PARM1: variants seen among roughly 807,000 people sequenced by gnomAD.
PARM1 encodes the protein WSC4, cell wall integrity and stress response component 4 homolog.
Under a neutral mutation model 24.6 loss-of-function variants are expected in PARM1, and 14 were observed. That is an observed-to-expected ratio of 0.57 (90% CI 0.38 to 0.89). PARM1 has a LOEUF of 0.89. Among genes scored for constraint, PARM1 ranks in the 40% least tolerant of loss-of-function variants. PARM1 has a pLI of 0.00. For synonymous variants in PARM1, 179 were observed against 156.6 expected, an observed-to-expected ratio of 1.14 and a Z score of -1.07; for missense variants, 362 against 380.4, an observed-to-expected ratio of 0.95 and a Z score of 0.40.
intron 1 of PARM1, chr4:74,956,483 G>A (rs1721637172): frequency 6.6e-6 from 1 of 152,174 alleles, no homozygotes; most frequent in African/African-American, 2.4e-5. Flanking sequence ...TCCATAGCAA[G>A]CAAAGGACAA....
chr4:75,031,963 C>A (rs886502805), intron 2 of PARM1, among the ~76,000 whole-genome samples: 3 of 152,190 alleles, frequency 2.0e-5, no homozygotes, highest in African/African-American at 7.2e-5. Context: ...TAGAGGCCAA[C>A]AAGCCAAGAG....
At chr4:74,979,073 C>A (rs74449080) in intron 1 of PARM1, among the ~76,000 whole-genome samples, 1,822 of 151,430 alleles carry the variant, frequency 0.012, 34 homozygotes, top group African/African-American at 0.042. Flanking sequence ...AGCAAACAAC[C>A]CCAAAACTAA....
intron 1 of PARM1, among the ~76,000 whole-genome samples, chr4:74,941,473 C>T (rs112824751): frequency 1.3e-5 from 2 of 152,092 alleles, no homozygotes; most frequent in Non-Finnish European, 1.5e-5. Context: ...ATCAGGGGAG[C>T]AGGAGGAGGA....
chr4:75,006,155 T>A (rs1039764185), intron 1 of PARM1, among the ~76,000 whole-genome samples: 2 of 152,220 alleles, frequency 1.3e-5, no homozygotes, highest in Non-Finnish European at 2.9e-5. Flanking sequence ...AATTTTTTTT[T>A]ATTATACTTT....
At chr4:74,946,845 G>C (rs1323924190) in intron 1 of PARM1, among the ~76,000 whole-genome samples, 1 of 152,154 alleles carries the variant, frequency 6.6e-6, no homozygotes, top group African/African-American at 2.4e-5. Flanking sequence ...CTTCATTGGA[G>C]AATGCTAATA....
At chr4:75,014,760 T>C (rs1386265990) in intron 2 of PARM1, among the ~76,000 whole-genome samples, 1 of 151,946 alleles carries the variant, frequency 6.6e-6, no homozygotes, top group Admixed American at 6.6e-5. Flanking sequence ...AGGGAGGAAA[T>C]CTATTGACTC....
chr4:75,020,332 C>T lies in PARM1; in HGVS notation c.769+7182C>T, dbSNP rs566773826. ...GTCGTCTTACGGTGAGTGTCACCACCATCTTTTCAGTTCTCTCTCTCCCAC... is the reference window on the plus strand; with the variant it reads ...GTCGTCTTACGGTGAGTGTCACCACTATCTTTTCAGTTCTCTCTCTCCCAC... On this transcript the variant is annotated intron_variant, in intron 2 of 3. Coordinates refer to ENST00000307428, the MANE Select transcript of PARM1 (RefSeq NM_015393.4). 2.6e-4 allele frequency among the ~76,000 whole-genome samples: 39 copies of T among 152,226 alleles called. 1 individual carries two copies. In the East Asian group the frequency reaches 7.3e-3, roughly 29 times the overall value.
At chr4:74,961,074 C>A (rs1721764301) in intron 1 of PARM1, among the ~76,000 whole-genome samples, 1 of 149,754 alleles carries the variant, frequency 6.7e-6, no homozygotes. Context: ...AATGTATGAA[C>A]AAAACAGAAA....
Position 75,012,629 on chromosome 4 carries a change from T to TA in PARM1, c.249dup (p.Glu84ArgfsTer48). The TA allele has an allele frequency of 1.2e-6, 2 of 1,613,912 alleles. No homozygotes were observed. The highest frequency in any genetic ancestry group is 1.7e-6 in the Non-Finnish European group (2 of 1,179,860). The stretch of plus-strand genomic sequence containing the variant: ...TCTCTGCTTCCTAAGAACATTTCCA[T>TA]AGAGTCCAGAGAAGAGGAGATCACC... On this transcript the variant is annotated frameshift_variant, in exon 2 of 4. Coordinates refer to ENST00000307428, the MANE Select transcript of PARM1 (RefSeq NM_015393.4). LOFTEE classifies it high-confidence loss of function.
intron 1 of PARM1, among the ~76,000 whole-genome samples, chr4:74,953,874 A>C (rs992137711): frequency 6.6e-6 from 1 of 152,110 alleles, no homozygotes; most frequent in Non-Finnish European, 1.5e-5. Context: ...CAGGAAGAGA[A>C]AGGGAAGTGG....
intron 1 of PARM1, among the ~76,000 whole-genome samples, chr4:74,949,511 A>G (rs1721483966): frequency 6.6e-6 from 1 of 152,096 alleles, no homozygotes; most frequent in African/African-American, 2.4e-5. Context: ...ATGGGGTTTC[A>G]CCATGTTAGC....
intron 2 of PARM1, among the ~76,000 whole-genome samples, chr4:75,030,376 A>G (rs147847140): frequency 6.6e-6 from 1 of 152,326 alleles, no homozygotes; most frequent in African/African-American, 2.4e-5. Context: ...AAATAAGATG[A>G]TAGCTGTACA....
chr4:74,951,356 C>T (rs1288130967), intron 1 of PARM1, among the ~76,000 whole-genome samples: 1 of 152,192 alleles, frequency 6.6e-6, no homozygotes, highest in East Asian at 1.9e-4. Flanking sequence ...TAGCCTCCTG[C>T]ACTTTTTTTA....
chr4:74,939,898 C>G (rs1721269794), intron 1 of PARM1, among the ~76,000 whole-genome samples: 1 of 152,084 alleles, frequency 6.6e-6, no homozygotes. Context: ...TGGAATACAC[C>G]TTTGATGATA....
At chr4:74,934,996 CTTTTTT>C (rs11392364) in intron 1 of PARM1, among the ~76,000 whole-genome samples, 115 of 116,550 alleles carry the variant, frequency 9.9e-4, no homozygotes, top group African/African-American at 2.7e-3. Flanking sequence ...GCTCTTTTTT[CTTTTTT>C]TTTTTTTTCT....
Position 75,025,920 on chromosome 4 carries a change from A to C in PARM1, c.770-7963A>C, listed in dbSNP as rs545220155. On this transcript the variant is annotated intron_variant, in intron 2 of 3. Transcript: ENST00000307428. ...TAACTAGCATGTAGATAAGAGTATA[A>C]ACATGAGGTAAAACATTCCAGCCGT... Among the ~76,000 whole-genome samples, 8 of 152,326 alleles carry C rather than the reference A, an allele frequency of 5.3e-5. No homozygotes were observed. The South Asian group carries it at 1.7e-3, about 32-fold the overall frequency.
At chr4:74,939,648 A>G (rs1271535882) in intron 1 of PARM1, among the ~76,000 whole-genome samples, 2 of 152,140 alleles carry the variant, frequency 1.3e-5, no homozygotes, top group South Asian at 2.1e-4. Context: ...GGATAAGTCT[A>G]TTGGTATTAC....
chr4:75,015,099 C>G (rs913193680), intron 2 of PARM1, among the ~76,000 whole-genome samples: 4 of 152,192 alleles, frequency 2.6e-5, no homozygotes, highest in African/African-American at 9.7e-5. Context: ...CTTTCTGTCC[C>G]CTTCAGGATA....
chr4:74,956,888 GGCT>G (rs1240507379), intron 1 of PARM1: 3 of 152,118 alleles, frequency 2.0e-5, no homozygotes, highest in African/African-American at 7.2e-5. Flanking sequence ...TTTACATCTG[GGCT>G]AAATACATAA....
Sources: gnomAD v4.1 joint callset for allele counts (sites outside exome capture counted in the v4.1 genomes callset) on GRCh38, gnomAD v4.1.1 for gene constraint, MANE v1.5 for transcripts, NCBI Gene and HGNC (gene_info 2026-07-23, HGNC 2026-07-21) for gene names.